MYO3B: variants seen among roughly 807,000 people sequenced by gnomAD.
MYO3B encodes the protein myosin-IIIb.
A neutral mutation model predicts 174.6 loss-of-function variants in MYO3B; 156 were observed. The ratio of observed to expected loss-of-function variants is 0.89; its 90% CI spans 0.78 to 1.02. The LOEUF (loss-of-function observed/expected upper bound fraction) is 1.02. Among genes scored for constraint, MYO3B ranks in the 50% least tolerant of loss-of-function variants. MYO3B has a pLI of 0.00. For synonymous variants in MYO3B, 563 were observed against 569.1 expected (o/e 0.99, Z 0.15); for missense variants, 1,632 against 1,639.4 (o/e 1.00, Z 0.08).
chr2:170,533,432 G>A (rs895054457), intron 30 of MYO3B, among the ~76,000 whole-genome samples: 1 of 148,788 alleles, frequency 6.7e-6, no homozygotes, highest in Admixed American at 6.6e-5. Flanking sequence ...GGGTGGGGGG[G>A]GGGTGTGCAG....
intron 25 of MYO3B, among the ~76,000 whole-genome samples, chr2:170,496,816 C>T (rs555385457): frequency 2.0e-5 from 3 of 151,678 alleles, no homozygotes; most frequent in East Asian, 1.9e-4. Flanking sequence ...TTTGCAGCGA[C>T]TGGATTTGGC....
intron 25 of MYO3B, among the ~76,000 whole-genome samples, chr2:170,487,276 T>C (rs980000543): frequency 2.0e-5 from 3 of 152,250 alleles, no homozygotes; most frequent in Non-Finnish European, 2.9e-5. Flanking sequence ...AGTATACTCA[T>C]TGACCTTCCC....
rs760995678 is a variant in MYO3B, at chr2:170,236,017, C to T, written c.630C>T (p.Asp210=). 5.6e-6 allele frequency: 9 copies of T among 1,613,990 alleles called. No individual in the cohort carries two copies. The highest frequency in any genetic ancestry group is 2.7e-5 in the African/African-American group (2 of 74,924). The change falls in exon 7 of 35, where the codon GAC becomes GAT. Residue 210 remains aspartate (D), a synonymous_variant. Transcript: ENST00000408978. ...PEVIACEQQY[D]SSYDARCDVW... is the part of the protein sequence containing the mutation. ...TCATTGCCTGTGAGCAGCAGTATGA[C>T]TCTTCCTATGACGCTCGCTGTGACG... is the stretch of plus-strand genomic sequence containing the variant.
chr2:170,576,862 G>A (rs1692819691), intron 32 of MYO3B, among the ~76,000 whole-genome samples: 1 of 152,106 alleles, frequency 6.6e-6, no homozygotes. Flanking sequence ...ATCACCAGCG[G>A]TTCTGCAGAT....
chr2:170,351,558 G>A (rs1245785559), intron 8 of MYO3B, among the ~76,000 whole-genome samples: 1 of 151,986 alleles, frequency 6.6e-6, no homozygotes, highest in Non-Finnish European at 1.5e-5. Flanking sequence ...TCTACAACCT[G>A]GCTCTGGGCT....
chr2:170,319,940 AT>A, intron 7 of MYO3B, among the ~76,000 whole-genome samples: 1 of 152,320 alleles, frequency 6.6e-6, no homozygotes, highest in Admixed American at 6.5e-5. Context: ...TTCAAAAAAA[AT>A]GAAGTTAAAA....
At chr2:170,217,239 C>A in intron 5 of MYO3B, 80 bp from the exon 6 acceptor site, 1 of 1,259,370 alleles carries the variant, frequency 7.9e-7, no homozygotes, top group Non-Finnish European at 1.2e-6. Context: ...CTTATTTGGC[C>A]TTTGTGGAAA....
intron 32 of MYO3B, among the ~76,000 whole-genome samples, chr2:170,587,960 A>G (rs1693589184): frequency 6.6e-6 from 1 of 152,206 alleles, no homozygotes; most frequent in South Asian, 2.1e-4. Context: ...TCCCTATTCT[A>G]GAAATAGATC....
intron 7 of MYO3B, among the ~76,000 whole-genome samples, chr2:170,331,086 T>A (rs1353745375): frequency 3.3e-5 from 5 of 152,120 alleles, no homozygotes; most frequent in Admixed American, 3.3e-4. Flanking sequence ...TGGAGGTACA[T>A]CATGTGCAAA....
intron 27 of MYO3B, 68 bp from the exon 28 acceptor site, chr2:170,501,717 G>A (rs1487349656): frequency 9.3e-6 from 10 of 1,072,390 alleles, no homozygotes; most frequent in Admixed American, 1.8e-5. Flanking sequence ...GGGGAAAACA[G>A]CTTATATCAA....
In MYO3B at chr2:170,616,719, T is replaced by G. The variant is rs193042571; in HGVS notation, c.3734-34909T>G. 2.6e-3 allele frequency among the ~76,000 whole-genome samples: 389 copies of G among 152,288 alleles called. 3 individuals are homozygous for G. Among genetic ancestry groups the G allele is most frequent in the African/African-American group, 9.0e-3 (374 of 41,550 alleles). On this transcript the variant is annotated intron_variant, in intron 32 of 34. Transcript: ENST00000408978. The stretch of plus-strand genomic sequence containing the variant: ...TAACGATAGTGGATCCTCCCAAAGA[T>G]TTTACCTATTGAATGGGGTTGAGAT...
intron 30 of MYO3B, among the ~76,000 whole-genome samples, chr2:170,527,585 C>T (rs1273814975): frequency 1.3e-5 from 2 of 152,196 alleles, no homozygotes; most frequent in Non-Finnish European, 2.9e-5. Context: ...CTGCCAGCAT[C>T]CGAGTTTGAT....
intron 22 of MYO3B, among the ~76,000 whole-genome samples, chr2:170,408,145 A>T (rs1279751338): frequency 1.3e-5 from 2 of 152,162 alleles, no homozygotes; most frequent in Admixed American, 6.5e-5. Flanking sequence ...AAGCCATACG[A>T]TATCATTAAT....
rs1258561402 is a variant in MYO3B at position 170,443,843 on chromosome 2, T to A, written c.2651-124T>A. On this transcript the variant is annotated intron_variant, in intron 22 of 34. Transcript: ENST00000408978. Reference sequence around the variant, plus strand: ...CAAAGTGTCAAAATTTTCCAAATTTTAAAAATTCAGAGCAGATTGTTTTGA... The same window carrying A: ...CAAAGTGTCAAAATTTTCCAAATTTAAAAAATTCAGAGCAGATTGTTTTGA... 99 of 540,402 alleles carry A rather than the reference T, an allele frequency of 1.8e-4. 1 individual carries two copies. The East Asian group carries it at 3.0e-3, about 17-fold the overall frequency. 33.5% of individuals were successfully genotyped at this position (540,402 alleles called of 1,614,324 possible).
At chr2:170,219,413 G>A (rs567906749) in intron 6 of MYO3B, among the ~76,000 whole-genome samples, 8 of 152,262 alleles carry the variant, frequency 5.3e-5, no homozygotes, top group South Asian at 2.1e-4. Flanking sequence ...GGAGGCCGAC[G>A]CAGGCAGATC....
chr2:170,611,726 G>T, intron 32 of MYO3B, among the ~76,000 whole-genome samples: 1 of 152,260 alleles, frequency 6.6e-6, no homozygotes, highest in Admixed American at 6.5e-5. Context: ...GCAACCATGG[G>T]TATAGCACAA....
intron 2 of MYO3B, 54 bp downstream of exon 2, chr2:170,199,445 T>A (rs1391393463): frequency 2.3e-6 from 3 of 1,284,638 alleles, no homozygotes; most frequent in Non-Finnish European, 3.1e-6. Flanking sequence ...GCACACTGAG[T>A]TTTCAACTTC....
intron 32 of MYO3B, among the ~76,000 whole-genome samples, chr2:170,584,043 C>T (rs1439045241): frequency 6.6e-6 from 1 of 152,230 alleles, no homozygotes; most frequent in Non-Finnish European, 1.5e-5. Context: ...GTTACATTTA[C>T]ACAATGCCAA....
intron 16 of MYO3B, among the ~76,000 whole-genome samples, chr2:170,398,790 C>T (rs2094456255): frequency 6.6e-6 from 1 of 152,152 alleles, no homozygotes; most frequent in Admixed American, 6.5e-5. Context: ...AATTCATATA[C>T]CAAAATCCAA....
Sources: gnomAD v4.1 joint callset for allele counts (sites outside exome capture counted in the v4.1 genomes callset) on GRCh38, gnomAD v4.1.1 for gene constraint, MANE v1.5 for transcripts, NCBI Gene and HGNC (gene_info 2026-07-23, HGNC 2026-07-21) for gene names.